The following NUP93 variants were observed in gnomAD, a reference collection of about 807,000 sequenced individuals.
The protein encoded by NUP93 is nuclear pore complex protein Nup93.
NUP93 carries 55 observed loss-of-function variants against 107.8 expected under a neutral mutation model. The ratio of observed to expected loss-of-function variants is 0.51; its 90% CI spans 0.41 to 0.64. The LOEUF is 0.64. Among genes scored for constraint, NUP93 ranks in the 30% least tolerant of loss-of-function variants. NUP93 has a pLI of 0.00. For synonymous variants in NUP93, 390 were observed against 397.5 expected, an observed-to-expected ratio of 0.98 and a Z score of 0.22; for missense variants, 937 against 1,044.7, an observed-to-expected ratio of 0.90 and a Z score of 1.42.
chr16:56,823,793 C>G lies in NUP93; in HGVS notation c.741C>G (p.Ser247Arg). ...PATDALKNRS[S>R]VEVRMEFVRQ... ...CGGATGCCCTGAAGAACCGCAGCAGCGTGGAAGTGCGCATGGAGTTTGTCA... is the reference window on the plus strand; with the variant it reads ...CGGATGCCCTGAAGAACCGCAGCAGGGTGGAAGTGCGCATGGAGTTTGTCA... The change falls in exon 8 of 22, where the codon AGC becomes AGG. Residue 247 changes from serine to arginine, a missense_variant. Physicochemically the swap from Ser to Arg is moderately radical, Grantham distance 110 (BLOSUM62 -1). Transcript: ENST00000308159. 2 of 1,614,138 alleles carry G rather than the reference C, an allele frequency of 1.2e-6. No individual in the cohort carries two copies. The highest frequency in any genetic ancestry group is 1.7e-6 in the Non-Finnish European group (2 of 1,180,004).
At chr16:56,790,781 C>A (rs923699011) in intron 3 of NUP93, among the ~76,000 whole-genome samples, 5 of 152,208 alleles carry the variant, frequency 3.3e-5, no homozygotes, top group African/African-American at 1.2e-4. Context: ...AAAGTACTAA[C>A]TTTAGTACCA....
At chr16:56,747,558 A>G (rs1215006323) in intron 1 of NUP93, among the ~76,000 whole-genome samples, 1 of 152,182 alleles carries the variant, frequency 6.6e-6, no homozygotes, top group Admixed American at 6.5e-5. Flanking sequence ...GTATTAAAAA[A>G]AAAAAAAGAA....
Position 56,763,395 on chromosome 16 carries a change from T to A in NUP93, c.297+4740T>A, listed in dbSNP as rs530819318. ...AGACATTTTTCAACTAGAAACTCTC[T>A]GCTTCTTAAAGTATTAAATATGTAG... On this transcript the variant is annotated intron_variant, in intron 3 of 21. Transcript: ENST00000308159. Among the ~76,000 whole-genome samples, 3 of 152,320 alleles carry A rather than the reference T, an allele frequency of 2.0e-5. No homozygotes were observed. In the South Asian group the frequency reaches 6.2e-4, roughly 32 times the overall value.
intron 2 of NUP93, among the ~76,000 whole-genome samples, chr16:56,752,138 T>C (rs999055701): frequency 6.6e-6 from 1 of 152,210 alleles, no homozygotes; most frequent in South Asian, 2.1e-4. Context: ...ATTTTGGCAC[T>C]GGATACATTC....
chr16:56,794,090 GTAGATAGATAGATAGATAGA>G (rs369592998), intron 3 of NUP93, among the ~76,000 whole-genome samples: 2 of 75,992 alleles, frequency 2.6e-5, no homozygotes, highest in Non-Finnish European at 5.4e-5. Flanking sequence ...AGGTAGGTAG[GTAGATAGATAGATAGATAGA>G]TAGATAGATA....
At chr16:56,732,721 C>T (rs1411086196) in intron 1 of NUP93, among the ~76,000 whole-genome samples, 11 of 152,080 alleles carry the variant, frequency 7.2e-5, no homozygotes, top group African/African-American at 2.7e-4. Context: ...GGTGAGAGGG[C>T]CCACTCCTCA....
intron 5 of NUP93, among the ~76,000 whole-genome samples, chr16:56,816,779 A>C (rs1264298977): frequency 6.6e-6 from 1 of 152,120 alleles, no homozygotes; most frequent in African/African-American, 2.4e-5. Context: ...TTTTCAAGGA[A>C]TTTGCGGTCT....
intron 3 of NUP93, among the ~76,000 whole-genome samples, chr16:56,797,848 C>T (rs1195623135): frequency 6.6e-6 from 1 of 152,162 alleles, no homozygotes; most frequent in Non-Finnish European, 1.5e-5. Flanking sequence ...TCCTTTTGGC[C>T]ATTGTGTTAC....
chr16:56,750,800 G>T (rs1231570344), intron 2 of NUP93, among the ~76,000 whole-genome samples: 1 of 152,074 alleles, frequency 6.6e-6, no homozygotes, highest in Non-Finnish European at 1.5e-5. Flanking sequence ...TACAGAAAAA[G>T]GTTGCTGACT....
At chr16:56,830,471 A>G in intron 9 of NUP93, 57 bp from the exon 10 acceptor site, 2 of 1,488,530 alleles carry the variant, frequency 1.3e-6, no homozygotes, top group African/African-American at 1.4e-5. Context: ...TTTAGCACAT[A>G]TGAAAGCAGT....
chr16:56,757,404 G>A (rs1051080104), intron 2 of NUP93, among the ~76,000 whole-genome samples: 1 of 152,072 alleles, frequency 6.6e-6, no homozygotes, highest in African/African-American at 2.4e-5. Context: ...CGCTTGGCCA[G>A]GAGTTTGAGA....
At chr16:56,736,191 G>A (rs1026221570) in intron 1 of NUP93, among the ~76,000 whole-genome samples, 2 of 152,118 alleles carry the variant, frequency 1.3e-5, no homozygotes, top group Admixed American at 6.5e-5. Context: ...TTACCCTGGC[G>A]TGATGGCACG....
At chr16:56,799,086 ATCT>A (rs1439419867) in intron 4 of NUP93, among the ~76,000 whole-genome samples, 2 of 152,208 alleles carry the variant, frequency 1.3e-5, no homozygotes, top group Non-Finnish European at 2.9e-5. Flanking sequence ...TATTAAATTA[ATCT>A]TGAAATGGAA....
At chr16:56,823,209 G>A (rs1246654403) in intron 7 of NUP93, among the ~76,000 whole-genome samples, 4 of 152,194 alleles carry the variant, frequency 2.6e-5, no homozygotes, top group African/African-American at 7.2e-5. Flanking sequence ...ACCAAGTAAC[G>A]TAAGAGCGGT....
chr16:56,775,535 A>G (rs374683661), intron 3 of NUP93, among the ~76,000 whole-genome samples: 21 of 134,992 alleles, frequency 1.6e-4, no homozygotes, highest in Middle Eastern at 3.7e-3. Context: ...GAGATGGCAA[A>G]GTAGTAGAAC....
chr16:56,831,251 A>G (rs1963779685), intron 10 of NUP93, among the ~76,000 whole-genome samples: 1 of 152,206 alleles, frequency 6.6e-6, no homozygotes, highest in Non-Finnish European at 1.5e-5. Context: ...CTGAGGTTAT[A>G]TATATGTACA....
intron 3 of NUP93, among the ~76,000 whole-genome samples, chr16:56,791,732 C>T (rs918018064): frequency 6.6e-6 from 1 of 152,132 alleles, no homozygotes; most frequent in Non-Finnish European, 1.5e-5. Flanking sequence ...CTTGATGTTA[C>T]GTTCTGGGTT....
intron 2 of NUP93, among the ~76,000 whole-genome samples, chr16:56,748,856 T>G (rs1239960870): frequency 7.9e-5 from 12 of 152,136 alleles, no homozygotes; most frequent in African/African-American, 1.7e-4. Flanking sequence ...TTGGAAGAAA[T>G]TGATGAGCAG....
In NUP93 at chr16:56,760,063, T is replaced by C. The variant is rs1962095798; in HGVS notation, c.297+1408T>C. On this transcript the variant is annotated intron_variant, in intron 3 of 21. Transcript: ENST00000308159. ...ATAATGATCATTTCATCTAACCTTC[T>C]ACTTAATGGAAGAATACTCTCCTTC... 2.0e-5 allele frequency among the ~76,000 whole-genome samples: 3 copies of C among 152,232 alleles called. No individual in the cohort carries two copies. The South Asian group carries it at 6.2e-4, about 32-fold the overall frequency.
Sources: gnomAD v4.1 joint callset for allele counts (sites outside exome capture counted in the v4.1 genomes callset) on GRCh38, gnomAD v4.1.1 for gene constraint, MANE v1.5 for transcripts, NCBI Gene and HGNC (gene_info 2026-07-23, HGNC 2026-07-21) for gene names.